Variants in CNGB3 observed in about 807,000 individuals in gnomAD.
CNGB3 encodes cyclic nucleotide gated channel subunit beta 3.
Under a neutral mutation model 92.8 loss-of-function variants are expected in CNGB3, and 86 were observed. The ratio of observed to expected loss-of-function variants is 0.93; its 90% CI spans 0.78 to 1.11. The LOEUF (loss-of-function observed/expected upper bound fraction) is 1.11. Ranked by LOEUF, CNGB3 falls within the 50% of genes least tolerant of loss-of-function variation. The pLI is 0.00. For synonymous variants in CNGB3, 333 were observed against 332.7 expected (o/e 1.00, Z -0.01); for missense variants, 1,026 against 956.8 (o/e 1.07, Z -0.95).
chr8:86,661,566 C>T, intron 6 of CNGB3: 2 of 733,692 alleles, frequency 2.7e-6, no homozygotes, highest in Middle Eastern at 6.9e-4. Context: ...TCTAATGTTG[C>T]CAAATTTTCT....
intron 7 of CNGB3, among the ~76,000 whole-genome samples, chr8:86,650,148 A>G (rs980749341): frequency 2.6e-5 from 4 of 151,530 alleles, no homozygotes; most frequent in African/African-American, 9.7e-5. Flanking sequence ...CAGTAATTAA[A>G]ATAATGTATT....
chr8:86,693,547 C>A (rs1349542309), intron 3 of CNGB3, among the ~76,000 whole-genome samples: 1 of 149,628 alleles, frequency 6.7e-6, no homozygotes, highest in Non-Finnish European at 1.5e-5. Flanking sequence ...AGCAGATAAA[C>A]AAGTGAACAA....
At chr8:86,645,774 A>T (rs1296334279) in intron 8 of CNGB3, among the ~76,000 whole-genome samples, 1 of 151,354 alleles carries the variant, frequency 6.6e-6, no homozygotes, top group East Asian at 1.9e-4. Flanking sequence ...TAATTTGTTT[A>T]TTGTGCTCTT....
chr8:86,692,289 A>C (rs1171721012), intron 3 of CNGB3, among the ~76,000 whole-genome samples: 2 of 152,108 alleles, frequency 1.3e-5, no homozygotes, highest in Non-Finnish European at 2.9e-5. Flanking sequence ...TGTTGACTTT[A>C]GTCTTGATGA....
chr8:86,738,840 C>A (rs1171100248), intron 2 of CNGB3, among the ~76,000 whole-genome samples: 476 of 120,800 alleles, frequency 3.9e-3, no homozygotes, highest in Non-Finnish European at 3.9e-3. Context: ...GACTCCGTCT[C>A]AAAAAAAAAA....
intron 4 of CNGB3, 24 bp from the exon 5 acceptor site, chr8:86,668,192 TG>T (rs1328017311): frequency 6.3e-7 from 1 of 1,598,668 alleles, no homozygotes. Context: ...AAAAAAAAGA[TG>T]AAACATTTGA....
At chr8:86,690,393 A>C in intron 3 of CNGB3, among the ~76,000 whole-genome samples, 1 of 152,100 alleles carries the variant, frequency 6.6e-6, no homozygotes, top group Non-Finnish European at 1.5e-5. Flanking sequence ...TCCTTCGCCC[A>C]CTTTTTGATG....
intron 3 of CNGB3, among the ~76,000 whole-genome samples, chr8:86,713,871 G>C (rs1033541736): frequency 6.6e-6 from 1 of 152,024 alleles, no homozygotes; most frequent in East Asian, 1.9e-4. Flanking sequence ...TCATTGTTTA[G>C]AGCAGCTTTA....
At chr8:86,659,311 G>T in intron 6 of CNGB3, 1 of 1,133,320 alleles carries the variant, frequency 8.8e-7, no homozygotes, top group Non-Finnish European at 1.3e-6. Context: ...GCTTCCAGCT[G>T]TGCCTGCTCC....
intron 10 of CNGB3, among the ~76,000 whole-genome samples, chr8:86,635,185 T>C (rs890992973): frequency 4.6e-5 from 7 of 152,114 alleles, no homozygotes; most frequent in Admixed American, 4.6e-4. Context: ...CATTTTAACT[T>C]TTCAAATTCC....
At chr8:86,742,479 T>C (rs1439010177) in intron 1 of CNGB3, among the ~76,000 whole-genome samples, 1 of 152,164 alleles carries the variant, frequency 6.6e-6, no homozygotes, top group East Asian at 1.9e-4. Flanking sequence ...CCATGTTAAA[T>C]AGTCTCAGTG....
In CNGB3 at chr8:86,644,643, A is replaced by G. The variant is rs775971746; in HGVS notation, c.1034T>C (p.Met345Thr). The change falls in exon 9 of 18, where the codon ATG becomes ACG. Residue 345 changes from methionine to threonine, a missense_variant. Met to Thr is a moderately conservative substitution (Grantham distance 81). Coordinates refer to ENST00000320005, the MANE Select transcript of CNGB3 (RefSeq NM_019098.5). Reference protein sequence around the residue: ...FEFNHHLESIMDKAYIYRVIR... With the variant: ...FEFNHHLESITDKAYIYRVIR... ...TTACCTGTAGATATATGCTTTGTCC[A>G]TTATAGACTCTAGGTGATGATTAAA... is the stretch of plus-strand genomic sequence containing the variant. 4.4e-6 allele frequency: 7 copies of G among 1,599,750 alleles called. No individual in the cohort carries two copies. Among genetic ancestry groups the G allele is most frequent in the Non-Finnish European group, 6.0e-6 (7 of 1,170,520 alleles).
At chr8:86,577,594 T>C (rs1267757132) in intron 17 of CNGB3, among the ~76,000 whole-genome samples, 1 of 152,218 alleles carries the variant, frequency 6.6e-6, no homozygotes, top group African/African-American at 2.4e-5. Context: ...AATTGGTCAA[T>C]GTATAACTTT....
chr8:86,658,848 A>T (rs542974548), intron 6 of CNGB3: 1 of 640,508 alleles, frequency 1.6e-6, no homozygotes, highest in South Asian at 1.8e-5. Flanking sequence ...GTCATTCTGC[A>T]TGGTCTCCAG....
chr8:86,594,233 A>C, intron 15 of CNGB3: 2 of 259,724 alleles, frequency 7.7e-6, no homozygotes, highest in South Asian at 4.2e-5. Flanking sequence ...GAAGCCCAAC[A>C]AGCTGGAACC....
At chr8:86,660,757 C>A (rs1823625033) in intron 6 of CNGB3, 1 of 525,288 alleles carries the variant, frequency 1.9e-6, no homozygotes, top group South Asian at 1.4e-5. Flanking sequence ...CAGGTAACAC[C>A]ACTCAAACAA....
At chr8:86,689,021 CT>C (rs56138081) in intron 3 of CNGB3, among the ~76,000 whole-genome samples, 122,203 of 148,110 alleles carry the variant, frequency 0.83, 50,472 homozygotes, top group East Asian at 1. Flanking sequence ...TTTTTAAATT[CT>C]TTTTTTTTTT....
chr8:86,651,244 A>C (rs1823397842), intron 7 of CNGB3, among the ~76,000 whole-genome samples: 1 of 151,656 alleles, frequency 6.6e-6, no homozygotes, highest in South Asian at 2.1e-4. Flanking sequence ...GAAATCTCAT[A>C]ATTTACCACT....
At chr8:86,629,285 A>G (rs1035105329) in intron 11 of CNGB3, among the ~76,000 whole-genome samples, 1 of 152,218 alleles carries the variant, frequency 6.6e-6, no homozygotes, top group African/African-American at 2.4e-5. Flanking sequence ...GGGTCCTAAT[A>G]TCACCCACTT....
Sources: allele counts gnomAD v4.1 joint callset (sites outside exome capture counted in the v4.1 genomes callset), GRCh38; gene constraint gnomAD v4.1.1; transcripts MANE v1.5; gene names NCBI Gene and HGNC (gene_info 2026-07-23, HGNC 2026-07-21).